The following PIEZO2 variants were observed in gnomAD, a reference collection of about 807,000 sequenced individuals.
The protein encoded by PIEZO2 is piezo-type mechanosensitive ion channel component 2.
In PIEZO2, 172 loss-of-function variants were observed where a neutral mutation model predicts 337.3. The observed-to-expected ratio is 0.51, with a 90% CI of 0.45 to 0.58. The LOEUF (loss-of-function observed/expected upper bound fraction) is 0.58, where lower values mean the gene tolerates loss of function less well. Ranked by LOEUF, PIEZO2 falls within the 20% of genes least tolerant of loss-of-function variation. PIEZO2 has a pLI of 0.00. For missense variants in PIEZO2, 3,028 were observed against 3,391.3 expected (o/e 0.89, Z 2.66); for synonymous variants, 1,251 against 1,228.5 (o/e 1.02, Z -0.38).
chr18:10,922,405 G>T (rs1162714126), intron 3 of PIEZO2, among the ~76,000 whole-genome samples: 1 of 152,118 alleles, frequency 6.6e-6, no homozygotes, highest in Non-Finnish European at 1.5e-5. Flanking sequence ...TGAGAATGCA[G>T]GTGGGAGGTG....
At chr18:10,753,747 A>T (rs1032993328) in intron 27 of PIEZO2, among the ~76,000 whole-genome samples, 2 of 152,252 alleles carry the variant, frequency 1.3e-5, no homozygotes, top group African/African-American at 4.8e-5. Flanking sequence ...CACTTGAGCT[A>T]TCTAGCATTA....
rs140545773 is a variant in PIEZO2, at chr18:11,010,722, A to G, written c.161-31062T>C. On this transcript the variant is annotated intron_variant, in intron 2 of 55. Transcript: ENST00000674853. The stretch of plus-strand genomic sequence containing the variant: ...CAGGAACATCCAGGGGTCATTAAAT[A>G]ATAAAAGAATCCGAGTATATCAAGC... Among the ~76,000 whole-genome samples the G allele has an allele frequency of 1.1e-3, 172 of 152,340 alleles. 1 individual carries two copies. The highest frequency in any genetic ancestry group is 1.9e-3 in the Non-Finnish European group (130 of 68,028).
rs1233838117 is a variant in PIEZO2 at position 10,783,288 on chromosome 18, T to A, written c.2492+1496A>T. 6.6e-6 allele frequency among the ~76,000 whole-genome samples: 1 copy of A among 152,194 alleles called. No individual in the cohort carries two copies. The highest frequency in any genetic ancestry group is 1.5e-5 in the Non-Finnish European group (1 of 68,050). ...AAGAATGGTGAGGGCTTATAGTAAA[T>A]TTAAACATGTTACATGGTCAGAATT... On this transcript the variant is annotated intron_variant, in intron 17 of 55. Coordinates refer to ENST00000674853, the MANE Select transcript of PIEZO2 (RefSeq NM_001378183.1). This position sits in a 1 kb window ranked among gnomAD's most constrained non-coding sequence, Gnocchi z 4.3.
At chr18:10,803,272 GA>G (rs767015919) in intron 9 of PIEZO2, among the ~76,000 whole-genome samples, 55 of 152,314 alleles carry the variant, frequency 3.6e-4, no homozygotes, top group Non-Finnish European at 4.0e-4. Flanking sequence ...AGTATGCCAT[GA>G]GTAAAAAGCA....
At chr18:10,925,099 AT>A (rs1366412723) in intron 3 of PIEZO2, among the ~76,000 whole-genome samples, 7 of 152,340 alleles carry the variant, frequency 4.6e-5, no homozygotes, top group African/African-American at 1.7e-4. Context: ...ATAGTTCTTC[AT>A]TTTTAATACA....
At chr18:10,690,221 G>A (rs1490577560) in intron 48 of PIEZO2, among the ~76,000 whole-genome samples, 2 of 152,208 alleles carry the variant, frequency 1.3e-5, no homozygotes, top group African/African-American at 4.8e-5. Flanking sequence ...AAAGGCAGAG[G>A]GAGAAGGAGA....
chr18:10,888,513 C>A lies in PIEZO2; in HGVS notation c.330-17098G>T, dbSNP rs559255686. Reference sequence around the variant, plus strand: ...ACTTGGAGTAGCATTGTTACGGGGGCGACATTGCTTCTGGGTCCTCTTATT... The same window carrying A: ...ACTTGGAGTAGCATTGTTACGGGGGAGACATTGCTTCTGGGTCCTCTTATT... On this transcript the variant is annotated intron_variant, in intron 4 of 55. Transcript: ENST00000674853. The surrounding 1 kb of genome is among the most constrained non-coding windows in gnomAD (Gnocchi z 4.1). Among the ~76,000 whole-genome samples, 1 of 152,008 alleles carries A rather than the reference C, an allele frequency of 6.6e-6. No individual in the cohort carries two copies. The highest frequency in any genetic ancestry group is 2.4e-5 in the African/African-American group (1 of 41,394).
At chr18:11,013,028 A>G (rs1352053013) in intron 2 of PIEZO2, among the ~76,000 whole-genome samples, 1 of 152,184 alleles carries the variant, frequency 6.6e-6, no homozygotes, top group Non-Finnish European at 1.5e-5. Context: ...TGGGCAACAG[A>G]GTGAGACCCT....
At position 10,701,592 on chromosome 18, in the gene PIEZO2, A is replaced by T. The variant is rs4239286; in HGVS notation, c.6441+397T>A. Among the ~76,000 whole-genome samples the T allele has an allele frequency of 3.9e-5, 6 of 152,276 alleles. No individual in the cohort carries two copies. The East Asian group carries it at 1.2e-3, about 29-fold the overall frequency. On this transcript the variant is annotated intron_variant, in intron 43 of 55. Transcript: ENST00000674853. ...ATGGAGATGAGACAATATGATCCACACACATTGTGGCTGTCTGATGCTCTG... is the reference window on the plus strand; with the variant it reads ...ATGGAGATGAGACAATATGATCCACTCACATTGTGGCTGTCTGATGCTCTG...
Position 11,080,611 on chromosome 18 carries a change from C to G in PIEZO2, c.65-14389G>C, listed in dbSNP as rs535694196. Among the ~76,000 whole-genome samples, 1 of 152,312 alleles carries G rather than the reference C, an allele frequency of 6.6e-6. No homozygotes were observed. Among genetic ancestry groups the G allele is most frequent in the East Asian group, 1.9e-4 (1 of 5,182 alleles). On this transcript the variant is annotated intron_variant, in intron 1 of 55. Coordinates refer to ENST00000674853, the MANE Select transcript of PIEZO2 (RefSeq NM_001378183.1). This position sits in a 1 kb window ranked among gnomAD's most constrained non-coding sequence, Gnocchi z 5.4. ...CTATAATCCCAGCACTTTGGGAGAC[C>G]GAGGCGGGCAGATCATGAGGTCAGG...
rs772634770 is a variant in PIEZO2, at chr18:10,696,492, A to T, written c.6875T>A (p.Ile2292Asn). 1 of 1,614,048 alleles carries T rather than the reference A, an allele frequency of 6.2e-7. No homozygotes were observed. The highest frequency in any genetic ancestry group is 1.1e-5 in the South Asian group (1 of 91,074). ...AGTCACGGCGCTATACTCCGGGTGG[A>T]TGAGGTTGTAAAAGAACTGTTTGAT... ...VPIKQFFYNL[I>N]HPEYSAVTDV... The change falls in exon 46 of 56, where the codon ATC becomes AAC. Residue 2292 changes from isoleucine (I) to asparagine (N), a missense_variant. By Grantham distance (149) the Ile-to-Asn change is moderately radical. This residue lies in a region of PIEZO2 where 1,925 missense variants were observed against 2,051.9 expected (regional missense o/e 0.94). Transcript: ENST00000674853.
chr18:10,745,413 C>A (rs748966386), intron 30 of PIEZO2, among the ~76,000 whole-genome samples: 1 of 152,208 alleles, frequency 6.6e-6, no homozygotes, highest in South Asian at 2.1e-4. Flanking sequence ...TAGGTACTTA[C>A]ATCACTCCCC....
rs1180728628 is a variant in PIEZO2, at chr18:10,748,058, T to C, written c.4424+413A>G. On this transcript the variant is annotated intron_variant, in intron 30 of 55. Transcript: ENST00000674853. The surrounding 1 kb of genome is among the most constrained non-coding windows in gnomAD (Gnocchi z 5.1). ...AATGGAGCCTAGGGGAAAAAACAGG[T>C]AGTAATGCAAATTGTGTCAGTGGCT... is the stretch of plus-strand genomic sequence containing the variant. Among the ~76,000 whole-genome samples the C allele has an allele frequency of 6.6e-6, 1 of 151,308 alleles. No homozygotes were observed. The highest frequency in any genetic ancestry group is 1.5e-5 in the Non-Finnish European group (1 of 67,878).
At chr18:11,106,342 C>T (rs1413678558) in intron 1 of PIEZO2, among the ~76,000 whole-genome samples, 2 of 151,274 alleles carry the variant, frequency 1.3e-5, no homozygotes, top group Admixed American at 6.6e-5. Flanking sequence ...TCGTGATCCG[C>T]CTGCCTCGGC....
intron 4 of PIEZO2, among the ~76,000 whole-genome samples, chr18:10,897,936 C>A (rs2042945294): frequency 6.6e-6 from 1 of 152,192 alleles, no homozygotes; most frequent in Admixed American, 6.5e-5. Context: ...TCTCTGCTAT[C>A]GAATGATATT....
At chr18:10,770,099 A>T in intron 21 of PIEZO2, 49 bp downstream of exon 21, 1 of 1,509,524 alleles carries the variant, frequency 6.6e-7, no homozygotes, top group Non-Finnish European at 8.8e-7. Flanking sequence ...GAAAATGATG[A>T]CCTACTGTGG....
rs545843950 is a variant in PIEZO2 at position 10,942,034 on chromosome 18, A to T, written c.287-30806T>A. Among the ~76,000 whole-genome samples, 14 of 152,196 alleles carry T rather than the reference A, an allele frequency of 9.2e-5. No individual in the cohort carries two copies. The highest frequency in any genetic ancestry group is 5.9e-5 in the Non-Finnish European group (4 of 68,036). On this transcript the variant is annotated intron_variant, in intron 3 of 55. Transcript: ENST00000674853. The surrounding 1 kb of genome is among the most constrained non-coding windows in gnomAD (Gnocchi z 4.4). ...TCTCTTCGCCTGCTGCCATCCACGT[A>T]AGATGTGACTTGCTCCTCCTTGCTT...
chr18:10,673,225 A>C lies in PIEZO2; in HGVS notation c.8162-352T>G, dbSNP rs1281718666. ...TTTCTGACTTGTGATCAAATCAACC[A>C]GTCCATTCATATTACCAGCATTTGT... is the stretch of plus-strand genomic sequence containing the variant. On this transcript the variant is annotated intron_variant, in intron 54 of 55. Transcript: ENST00000674853. The surrounding 1 kb of genome is among the most constrained non-coding windows in gnomAD (Gnocchi z 4.8). 6.6e-6 allele frequency among the ~76,000 whole-genome samples: 1 copy of C among 152,244 alleles called. No homozygotes were observed. The highest frequency in any genetic ancestry group is 1.5e-5 in the Non-Finnish European group (1 of 68,044).
intron 1 of PIEZO2, among the ~76,000 whole-genome samples, chr18:11,119,953 A>T (rs1290816232): frequency 6.6e-6 from 1 of 152,230 alleles, no homozygotes; most frequent in Non-Finnish European, 1.5e-5. Flanking sequence ...TTGCACCCAA[A>T]TGTAAGCTTT....
Sources: allele counts gnomAD v4.1 joint callset (sites outside exome capture counted in the v4.1 genomes callset), GRCh38; gene constraint gnomAD v4.1.1; regional missense constraint gnomAD v4.1.1; non-coding constraint Gnocchi (gnomAD v3.1); transcripts MANE v1.5; gene names NCBI Gene and HGNC (gene_info 2026-07-23, HGNC 2026-07-21).